The following CRMP1 variants were observed in gnomAD, a reference collection of about 807,000 sequenced individuals.
The protein encoded by CRMP1 is dihydropyrimidinase-related protein 1.
A neutral mutation model predicts 68.3 loss-of-function variants in CRMP1; 19 were observed. That is an observed-to-expected ratio of 0.28 (90% CI 0.19 to 0.41). CRMP1 has a LOEUF of 0.41. Ranked by LOEUF, CRMP1 falls within the 10% of genes least tolerant of loss-of-function variation. CRMP1 has a pLI of 1.00. For missense variants in CRMP1, 791 were observed against 967.4 expected (o/e 0.82, Z 2.42); for synonymous variants, 439 against 399.6 (o/e 1.10, Z -1.18).
intron 6 of CRMP1, among the ~76,000 whole-genome samples, chr4:5,848,640 C>G (rs1712401459): frequency 6.6e-6 from 1 of 152,236 alleles, no homozygotes. Context: ...ACTCTGTTTT[C>G]TGATGCTATT....
chr4:5,843,895 T>C lies in CRMP1; in HGVS notation c.964-734A>G, dbSNP rs751733142. Reference sequence around the variant, plus strand: ...ATAACCTTGAAATGGTTCCCTGGGCTGATGGCCTAGATTCAAATCCATCTG... The same window carrying C: ...ATAACCTTGAAATGGTTCCCTGGGCCGATGGCCTAGATTCAAATCCATCTG... On this transcript the variant is annotated intron_variant, in intron 6 of 13. Coordinates refer to ENST00000324989, the MANE Select transcript of CRMP1 (RefSeq NM_001014809.3). This position sits in a 1 kb window ranked among gnomAD's most constrained non-coding sequence, Gnocchi z 4.1. Among the ~76,000 whole-genome samples the C allele has an allele frequency of 1.1e-4, 16 of 152,308 alleles. No homozygotes were observed. The highest frequency in any genetic ancestry group is 1.9e-4 in the Non-Finnish European group (13 of 68,034).
rs1009651486 is a variant in CRMP1, at chr4:5,891,431, A to T, written c.381+1158T>A. On this transcript the variant is annotated intron_variant, in intron 1 of 13. Transcript: ENST00000324989. The surrounding 1 kb of genome is among the most constrained non-coding windows in gnomAD (Gnocchi z 5.2). ...CTTTGGGTCACTCATAGCATTTAAGAGGGGAAGGTTTAATTAAAATGATAA... is the reference window on the plus strand; with the variant it reads ...CTTTGGGTCACTCATAGCATTTAAGTGGGGAAGGTTTAATTAAAATGATAA... Among the ~76,000 whole-genome samples, 28 of 152,178 alleles carry T rather than the reference A, an allele frequency of 1.8e-4. No individual in the cohort carries two copies. The highest frequency in any genetic ancestry group is 6.5e-4 in the African/African-American group (27 of 41,456).
At chr4:5,836,974 CA>C (rs1183197941) in intron 9 of CRMP1, 68 bp from the exon 10 acceptor site, 1 of 1,504,962 alleles carries the variant, frequency 6.6e-7, no homozygotes, top group African/African-American at 1.4e-5. Context: ...TGACTTCAGA[CA>C]GGTACATGCA....
rs1027818411 is a variant in CRMP1, at chr4:5,865,390, G to T, written c.470+1278C>A. 6.6e-6 allele frequency among the ~76,000 whole-genome samples: 1 copy of T among 152,086 alleles called. No individual in the cohort carries two copies. On this transcript the variant is annotated intron_variant, in intron 2 of 13. Coordinates refer to ENST00000324989, the MANE Select transcript of CRMP1 (RefSeq NM_001014809.3). The surrounding 1 kb of genome is among the most constrained non-coding windows in gnomAD (Gnocchi z 4.1). The stretch of plus-strand genomic sequence containing the variant: ...TAATCCCAGCACTTTGGGAGGCCGA[G>T]GCGAGCGGATCACGAGGTCAGGAGA...
rs1720756350 is a variant in CRMP1, at chr4:5,836,787, G to A, written c.1430C>T (p.Thr477Met). Residue 477 changes from threonine (T) to methionine (M), a missense_variant, in exon 10 of 14, where the codon ACG becomes ATG. Thr to Met is a moderately conservative substitution (Grantham distance 81, BLOSUM62 -1). Around this residue, in one of 3 missense-constraint regions of CRMP1, gnomAD observed 594 missense variants for 763.6 expected, o/e 0.78. Transcript: ENST00000324989. ...EGVNGIEERM[T>M]VVWDKAVATG... is the part of the protein sequence containing the mutation. ...TACCACCGCCTTGTCCCAGACGACC[G>A]TCATCCGCTCCTCTATCCCGTTGAC... The A allele has an allele frequency of 3.1e-6, 5 of 1,614,032 alleles. No individual in the cohort carries two copies. Among genetic ancestry groups the A allele is most frequent in the Admixed American group, 1.7e-5 (1 of 60,008 alleles).
Position 5,836,808 on chromosome 4 carries a change from T to C in CRMP1, c.1409A>G (p.Asn470Ser). 8 of 1,614,056 alleles carry C rather than the reference T, an allele frequency of 5.0e-6. No individual in the cohort carries two copies. The highest frequency in any genetic ancestry group is 6.8e-6 in the Non-Finnish European group (8 of 1,179,908). ...GACCGTCATCCGCTCCTCTATCCCG[T>C]TGACACCCTCGGGGATCAGGGTAAA... is the stretch of plus-strand genomic sequence containing the variant. ...DNFTLIPEGV[N>S]GIEERMTVVW... The change falls in exon 10 of 14, where the codon AAC (asparagine) becomes AGC (serine). Residue 470 changes from asparagine (N) to serine (S), a missense_variant. Transcript: ENST00000324989.
chr4:5,878,945 C>T (rs1715038646), intron 1 of CRMP1, among the ~76,000 whole-genome samples: 1 of 152,076 alleles, frequency 6.6e-6, no homozygotes, highest in Admixed American at 6.5e-5. Flanking sequence ...TGTTCTAATA[C>T]CTACCTGCTG....
At chr4:5,824,919 A>T in intron 13 of CRMP1, 2 of 985,462 alleles carry the variant, frequency 2.0e-6, no homozygotes, top group Non-Finnish European at 2.4e-6. Context: ...GATCAGGTCA[A>T]CATCTAATTT....
intron 1 of CRMP1, among the ~76,000 whole-genome samples, chr4:5,873,274 G>A (rs1241863328): frequency 6.6e-6 from 1 of 152,240 alleles, no homozygotes; most frequent in African/African-American, 2.4e-5. Context: ...CTTAGAGGAT[G>A]AGTAGGTATT....
At chr4:5,856,105 G>A in intron 4 of CRMP1, 38 bp downstream of exon 4, 1 of 1,608,736 alleles carries the variant, frequency 6.2e-7, no homozygotes, top group Non-Finnish European at 8.5e-7. Context: ...CAAAGAACAA[G>A]GGATTCCCCA....
At position 5,891,212 on chromosome 4, in the gene CRMP1, A is replaced by ACACACC. The variant is rs59152465; in HGVS notation, c.381+1376_381+1377insGGTGTG. On this transcript the variant is annotated intron_variant, in intron 1 of 13. Transcript: ENST00000324989. The surrounding 1 kb of genome is among the most constrained non-coding windows in gnomAD (Gnocchi z 5.2). Reference sequence around the variant, plus strand: ...CACACACACACACACACACACACACACCCTTGCTGTTGGACCTCTCCCTCG... The same window carrying ACACACC: ...CACACACACACACACACACACACACACACACCCCCTTGCTGTTGGACCTCTCCCTCG... Among the ~76,000 whole-genome samples, 204 of 147,236 alleles carry ACACACC rather than the reference A, an allele frequency of 1.4e-3. 1 individual carries two copies. Among genetic ancestry groups the ACACACC allele is most frequent in the Admixed American group, 1.7e-3 (25 of 14,830 alleles).
At chr4:5,868,268 T>TAGATATATATATCTATATATAG (rs1560513207) in intron 1 of CRMP1, among the ~76,000 whole-genome samples, 2 of 14,504 alleles carry the variant, frequency 1.4e-4, no homozygotes, top group African/African-American at 3.7e-4. Context: ...TATCTATATA[T>TAGATATATATATCTATATATAG]ATATATATAT....
chr4:5,839,771 C>T lies in CRMP1; in HGVS notation c.1154-93G>A, dbSNP rs531633339. On this transcript the variant is annotated intron_variant, in intron 8 of 13. Coordinates refer to ENST00000324989, the MANE Select transcript of CRMP1 (RefSeq NM_001014809.3). ...AAATTGGAAGACTGTGGAGGGAGAA[C>T]GGGGCTGGCTGAAGGCCAGAACACT... is the stretch of plus-strand genomic sequence containing the variant. 127 of 1,395,770 alleles carry T rather than the reference C, an allele frequency of 9.1e-5. No homozygotes were observed. In the African/African-American group the frequency reaches 1.4e-3, roughly 15 times the overall value. 86.5% of individuals were successfully genotyped at this position (1,395,770 alleles called of 1,614,324 possible).
intron 1 of CRMP1, among the ~76,000 whole-genome samples, chr4:5,873,340 A>C (rs1254931625): frequency 6.6e-6 from 1 of 152,226 alleles, no homozygotes; most frequent in Non-Finnish European, 1.5e-5. Context: ...ACGGTGTATT[A>C]GTCCATCCTC....
chr4:5,841,497 C>T lies in CRMP1; in HGVS notation c.1033-69G>A. 1.9e-6 allele frequency: 3 copies of T among 1,595,322 alleles called. No individual in the cohort carries two copies. Among genetic ancestry groups the T allele is most frequent in the Non-Finnish European group, 2.6e-6 (3 of 1,168,162 alleles). ...AACAGCTACCACCCATCTCCATTTT[C>T]CTTAATTGAATGTGATCAGAAGGGA... On this transcript the variant is annotated intron_variant, in intron 7 of 13. Transcript: ENST00000324989. This position sits in a 1 kb window ranked among gnomAD's most constrained non-coding sequence, Gnocchi z 6.9.
At position 5,841,286 on chromosome 4, in the gene CRMP1, AG is replaced by A; in HGVS notation, c.1153+21del. On this transcript the variant is annotated intron_variant, in intron 8 of 13. Coordinates refer to ENST00000324989, the MANE Select transcript of CRMP1 (RefSeq NM_001014809.3). This position sits in a 1 kb window ranked among gnomAD's most constrained non-coding sequence, Gnocchi z 6.9. ...CTTCCAGGCCCCAGCTGCCCCCAGAAGGCCCAGGGCCGGCTGCATACCTTTC... is the reference window on the plus strand; with the variant it reads ...CTTCCAGGCCCCAGCTGCCCCCAGAAGCCCAGGGCCGGCTGCATACCTTTC... 1.2e-6 allele frequency: 2 copies of A among 1,613,786 alleles called. No homozygotes were observed. The highest frequency in any genetic ancestry group is 1.7e-6 in the Non-Finnish European group (2 of 1,179,948).
intron 12 of CRMP1, 76 bp downstream of exon 12, chr4:5,828,413 T>C (rs574403218): frequency 1.3e-6 from 2 of 1,551,892 alleles, no homozygotes; most frequent in Non-Finnish European, 1.7e-6. Flanking sequence ...TCTGCACACG[T>C]CAGATCTCGA....
intron 1 of CRMP1, chr4:5,887,484 C>T (rs982321051): frequency 2.4e-5 from 24 of 985,388 alleles, no homozygotes; most frequent in Non-Finnish European, 2.7e-5. Context: ...GACCGCTGCG[C>T]CCTCAGCTCC....
Position 5,866,693 on chromosome 4 carries a change from C to G in CRMP1, c.445G>C (p.Val149Leu), listed in dbSNP as rs377482181. The G allele has an allele frequency of 4.3e-6, 7 of 1,612,968 alleles. No homozygotes were observed. The highest frequency in any genetic ancestry group is 5.9e-6 in the Non-Finnish European group (7 of 1,179,822). ...TTGATAAGTCCATCCTCCAGGTAGA[C>G]GTCAGCATAAAGGGATTGGTCATCG... ...INDDQSLYAD[V>L]YLEDGLIKQI... Residue 149 changes from valine (V) to leucine (L), a missense_variant, in exon 2 of 14, where the codon GTC (valine) becomes CTC (leucine). Transcript: ENST00000324989. This position sits in a 1 kb window ranked among gnomAD's most constrained non-coding sequence, Gnocchi z 5.9.
Sources: allele counts gnomAD v4.1 joint callset (sites outside exome capture counted in the v4.1 genomes callset), GRCh38; gene constraint gnomAD v4.1.1; regional missense constraint gnomAD v4.1.1; non-coding constraint Gnocchi (gnomAD v3.1); transcripts MANE v1.5; gene names NCBI Gene and HGNC (gene_info 2026-07-23, HGNC 2026-07-21).